The following LRP1B variants were observed in gnomAD, a reference collection of about 807,000 sequenced individuals.
LRP1B encodes the protein LDL receptor related protein 1B.
LRP1B carries 217 observed loss-of-function variants against 556.6 expected under a neutral mutation model. The ratio of observed to expected loss-of-function variants is 0.39; its 90% CI spans 0.35 to 0.44. The LOEUF (loss-of-function observed/expected upper bound fraction) is 0.44. Among genes scored for constraint, LRP1B ranks in the 20% least tolerant of loss-of-function variants. LRP1B has a pLI of 1.00. For synonymous variants in LRP1B, 2,047 were observed against 1,865.8 expected (o/e 1.10, Z -2.50); for missense variants, 5,053 against 5,620.8 (o/e 0.90, Z 3.23).
chr2:141,502,178 T>G (rs190487103), intron 2 of LRP1B, among the ~76,000 whole-genome samples: 1 of 152,312 alleles, frequency 6.6e-6, no homozygotes, highest in Admixed American at 6.5e-5. Context: ...AAACAACAGT[T>G]TCAGGATTTT....
intron 2 of LRP1B, among the ~76,000 whole-genome samples, chr2:141,634,562 A>T (rs1689034243): frequency 6.6e-6 from 1 of 152,014 alleles, no homozygotes; most frequent in Non-Finnish European, 1.5e-5. Context: ...TTCTACCCAC[A>T]TATTTCAATG....
chr2:141,737,936 A>T (rs948898117), intron 2 of LRP1B, among the ~76,000 whole-genome samples: 1 of 152,108 alleles, frequency 6.6e-6, no homozygotes. Flanking sequence ...CTGTCCTATC[A>T]ATATATCTGA....
chr2:141,967,177 T>C (rs1389979598), intron 1 of LRP1B, among the ~76,000 whole-genome samples: 1 of 151,934 alleles, frequency 6.6e-6, no homozygotes, highest in Non-Finnish European at 1.5e-5. Context: ...CTACTTCTAA[T>C]TTCTCTACAT....
chr2:140,866,650 CAG>C (rs1284036994), intron 27 of LRP1B, among the ~76,000 whole-genome samples: 1 of 152,044 alleles, frequency 6.6e-6, no homozygotes, highest in East Asian at 1.9e-4. Flanking sequence ...AGAAAGGACA[CAG>C]AAAATTTTGC....
chr2:141,919,961 T>C (rs544506852), intron 1 of LRP1B, among the ~76,000 whole-genome samples: 1 of 152,122 alleles, frequency 6.6e-6, no homozygotes, highest in East Asian at 1.9e-4. Flanking sequence ...TCTCTTCTAA[T>C]CTCACTAATC....
intron 67 of LRP1B, among the ~76,000 whole-genome samples, chr2:140,383,932 A>C (rs1430058161): frequency 6.6e-6 from 1 of 152,154 alleles, no homozygotes; most frequent in Admixed American, 6.5e-5. Context: ...TTTATCACTG[A>C]GTTTCCACAG....
chr2:141,226,669 A>G (rs1012457856), intron 6 of LRP1B, among the ~76,000 whole-genome samples: 1 of 152,164 alleles, frequency 6.6e-6, no homozygotes, highest in African/African-American at 2.4e-5. Flanking sequence ...ATTTTTGCTT[A>G]TATGGTATGA....
intron 5 of LRP1B, among the ~76,000 whole-genome samples, chr2:141,244,812 C>T (rs1684008902): frequency 6.6e-6 from 1 of 152,094 alleles, no homozygotes; most frequent in Non-Finnish European, 1.5e-5. Context: ...TCTAGCAACT[C>T]ATTTTCCTTA....
At chr2:140,976,656 C>T (rs1696611906) in intron 18 of LRP1B, among the ~76,000 whole-genome samples, 1 of 151,590 alleles carries the variant, frequency 6.6e-6, no homozygotes, top group Non-Finnish European at 1.5e-5. Flanking sequence ...TACAGGCATG[C>T]ATTACCACGC....
At chr2:140,779,755 A>T (rs2380916) in intron 32 of LRP1B, among the ~76,000 whole-genome samples, 101,926 of 135,118 alleles carry the variant, frequency 0.75, 37,095 homozygotes, top group East Asian at 0.98. Flanking sequence ...TCTGTGAGAG[A>T]GTGTGTGTGT....
In LRP1B at chr2:140,335,846, G is replaced by C; in HGVS notation, c.11893-8C>G. 1.3e-6 allele frequency: 2 copies of C among 1,564,934 alleles called. No homozygotes were observed. Among genetic ancestry groups the C allele is most frequent in the Non-Finnish European group, 1.8e-6 (2 of 1,137,078 alleles). ...CCTTTTAAATTCAGGACACTACAAG[G>C]AAACAAAACAACACACCACGGTATT... is the stretch of plus-strand genomic sequence containing the variant. On this transcript the variant is annotated splice_polypyrimidine_tract_variant and splice_region_variant and intron_variant, in intron 77 of 90. Coordinates refer to ENST00000389484, the MANE Select transcript of LRP1B (RefSeq NM_018557.3).
intron 14 of LRP1B, among the ~76,000 whole-genome samples, chr2:141,010,559 G>A (rs961074037): frequency 6.6e-6 from 1 of 151,560 alleles, no homozygotes; most frequent in African/African-American, 2.4e-5. Context: ...CTGTAACTCA[G>A]GCTGGAGTGC....
At chr2:141,778,779 T>A (rs1390804544) in intron 2 of LRP1B, among the ~76,000 whole-genome samples, 1 of 152,228 alleles carries the variant, frequency 6.6e-6, no homozygotes, top group Admixed American at 6.5e-5. Flanking sequence ...AGACACTTTT[T>A]TTTCTTTCCT....
intron 2 of LRP1B, among the ~76,000 whole-genome samples, chr2:141,681,570 T>C (rs6732287): frequency 0.22 from 33,204 of 152,132 alleles, 4,358 homozygotes; most frequent in East Asian, 0.5. Flanking sequence ...ATTCTGTTGA[T>C]CTATGTGATA....
chr2:140,369,726 T>A (rs72896204), intron 71 of LRP1B, among the ~76,000 whole-genome samples: 1,586 of 152,034 alleles, frequency 0.01, 5 homozygotes, highest in Non-Finnish European at 0.016. Flanking sequence ...GATGGAGATA[T>A]TATCTAATCA....
chr2:142,012,409 T>C (rs1488478948), intron 1 of LRP1B, among the ~76,000 whole-genome samples: 1 of 152,154 alleles, frequency 6.6e-6, no homozygotes, highest in Non-Finnish European at 1.5e-5. Context: ...TAGGGCCATA[T>C]TATGATCTGA....
At chr2:140,325,677 G>T in intron 80 of LRP1B, 85 bp downstream of exon 80, 2 of 860,962 alleles carry the variant, frequency 2.3e-6, no homozygotes, top group Non-Finnish European at 3.6e-6. Flanking sequence ...AGAATGCAAA[G>T]TAAAGTATCC....
chr2:141,205,273 G>C (rs1437055829), intron 6 of LRP1B, among the ~76,000 whole-genome samples: 1 of 152,076 alleles, frequency 6.6e-6, no homozygotes, highest in African/African-American at 2.4e-5. Flanking sequence ...GTTCAAAAAA[G>C]AATTGATAAC....
chr2:140,514,915 T>G, intron 50 of LRP1B, 143 bp from the exon 51 acceptor site: 1 of 817,762 alleles, frequency 1.2e-6, no homozygotes. Context: ...TCTATGACAA[T>G]TCTATAAAAT....
Sources: gnomAD v4.1 joint callset for allele counts (sites outside exome capture counted in the v4.1 genomes callset) on GRCh38, gnomAD v4.1.1 for gene constraint, MANE v1.5 for transcripts, NCBI Gene and HGNC (gene_info 2026-07-23, HGNC 2026-07-21) for gene names.